The following ATG7 variants were observed in gnomAD, a reference collection of about 807,000 sequenced individuals.
ATG7 encodes the protein autophagy related 7, also known as ubiquitin-like modifier-activating enzyme ATG7.
In ATG7, 70 loss-of-function variants were observed where a neutral mutation model predicts 82.4. The observed-to-expected ratio is 0.85, with a 90% CI of 0.70 to 1.04. ATG7 has a LOEUF of 1.04. ATG7 is among the 50% of genes least tolerant of loss of function. The probability of loss-of-function intolerance (pLI) is 0.00; values close to 1 mark genes in which losing one functional copy is unlikely to be tolerated. For synonymous variants in ATG7, 287 were observed against 313.0 expected (o/e 0.92, Z 0.88); for missense variants, 792 against 864.3 (o/e 0.92, Z 1.05).
intron 20 of ATG7, among the ~76,000 whole-genome samples, chr3:11,538,807 C>T (rs140218432): frequency 0.013 from 1,827 of 144,488 alleles, 39 homozygotes; most frequent in African/African-American, 0.045. Context: ...CTGGGAAGGT[C>T]GAGGCTGCAG....
intron 10 of ATG7, among the ~76,000 whole-genome samples, chr3:11,331,914 T>TAA (rs1207529199): frequency 6.6e-6 from 1 of 152,216 alleles, no homozygotes; most frequent in East Asian, 1.9e-4. Flanking sequence ...AAGTATTTAA[T>TAA]AAAAATGTCT....
At chr3:11,342,349 G>C (rs1469005370) in intron 13 of ATG7, 70 bp downstream of exon 13, 18 of 1,511,292 alleles carry the variant, frequency 1.2e-5, no homozygotes, top group Non-Finnish European at 1.8e-6. Flanking sequence ...TTACTCTCAT[G>C]ATTGCCTTCC....
chr3:11,413,197 A>G (rs78175084), intron 19 of ATG7, among the ~76,000 whole-genome samples: 1 of 152,174 alleles, frequency 6.6e-6, no homozygotes, highest in Non-Finnish European at 1.5e-5. Flanking sequence ...AACTTCTAGT[A>G]CTGTGTTGAA....
chr3:11,525,907 T>C (rs929062948), intron 20 of ATG7, among the ~76,000 whole-genome samples: 2 of 152,176 alleles, frequency 1.3e-5, no homozygotes, highest in Non-Finnish European at 2.9e-5. Flanking sequence ...AAAAGTTCTG[T>C]CACCTTTAAT....
chr3:11,404,618 T>C (rs2080159666), intron 19 of ATG7, among the ~76,000 whole-genome samples: 1 of 152,052 alleles, frequency 6.6e-6, no homozygotes, highest in Non-Finnish European at 1.5e-5. Flanking sequence ...TGCCATGTTG[T>C]ATTAGTCTTT....
chr3:11,323,741 C>T (rs564105719), intron 9 of ATG7, among the ~76,000 whole-genome samples: 1 of 152,350 alleles, frequency 6.6e-6, no homozygotes, highest in East Asian at 1.9e-4. Context: ...AATTTATATG[C>T]TGTTAGTTGG....
downstream of ATG7, among the ~76,000 whole-genome samples, chr3:11,561,734 G>T (rs917821933): frequency 8.6e-5 from 13 of 152,010 alleles, no homozygotes; most frequent in African/African-American, 3.1e-4. Flanking sequence ...AAGTTACGCT[G>T]CGGATTTGTG....
intron 6 of ATG7, chr3:11,308,476 C>T (rs1211578748): frequency 1.3e-5 from 2 of 154,522 alleles, no homozygotes; most frequent in Non-Finnish European, 2.9e-5. Flanking sequence ...AGGCTCTTTA[C>T]TCTCCCCGTT....
At chr3:11,365,123 T>C (rs1352031881) in intron 18 of ATG7, among the ~76,000 whole-genome samples, 1 of 152,162 alleles carries the variant, frequency 6.6e-6, no homozygotes, top group African/African-American at 2.4e-5. Context: ...ATCTGTAACA[T>C]AGAGAAGGTA....
At chr3:11,399,710 G>A (rs1188443649) in intron 19 of ATG7, among the ~76,000 whole-genome samples, 3 of 152,166 alleles carry the variant, frequency 2.0e-5, no homozygotes, top group Non-Finnish European at 2.9e-5. Flanking sequence ...GAGTAGCCGG[G>A]ATTATAGGCA....
At chr3:11,334,976 A>AAG (rs1952209968) in intron 11 of ATG7, among the ~76,000 whole-genome samples, 1 of 140,778 alleles carries the variant, frequency 7.1e-6, no homozygotes, top group African/African-American at 2.6e-5. Flanking sequence ...AAAAAAAAAA[A>AAG]TCTCTTCTGA....
chr3:11,413,254 G>C lies in ATG7; in HGVS notation c.1957-13550G>C, dbSNP rs77355520. 2.8e-3 allele frequency among the ~76,000 whole-genome samples: 427 copies of C among 152,152 alleles called. 4 individuals carry two copies. The highest frequency in any genetic ancestry group is 9.4e-3 in the African/African-American group (388 of 41,472). ...TCCTTGCCTTTTTCCTGATCTTAGA[G>C]AGAAAGCGTTCCTTCTTTCATCACT... On this transcript the variant is annotated intron_variant, in intron 19 of 20. Transcript: ENST00000693202.
intron 20 of ATG7, among the ~76,000 whole-genome samples, chr3:11,531,103 C>T (rs1222216981): frequency 6.6e-6 from 1 of 152,168 alleles, no homozygotes; most frequent in African/African-American, 2.4e-5. Flanking sequence ...GGCTGGTTGG[C>T]AGGGAAGGGC....
chr3:11,536,994 C>T (rs1308911750), intron 20 of ATG7, among the ~76,000 whole-genome samples: 1 of 152,152 alleles, frequency 6.6e-6, no homozygotes, highest in Admixed American at 6.5e-5. Context: ...CTTGTCGCTT[C>T]CTGCCCGAGT....
At chr3:11,500,411 A>AG (rs1292609122) in intron 20 of ATG7, among the ~76,000 whole-genome samples, 4 of 151,886 alleles carry the variant, frequency 2.6e-5, no homozygotes, top group Admixed American at 2.0e-4. Flanking sequence ...TGCCAAAAAA[A>AG]TAGAAGTAAC....
intron 20 of ATG7, among the ~76,000 whole-genome samples, chr3:11,514,989 C>T (rs1252894945): frequency 3.3e-5 from 5 of 151,240 alleles, no homozygotes; most frequent in African/African-American, 1.2e-4. Context: ...TACAGGTGCG[C>T]ACCACCACAC....
intron 1 of ATG7, among the ~76,000 whole-genome samples, chr3:11,274,854 A>G (rs966721049): frequency 1.3e-5 from 2 of 151,928 alleles, no homozygotes; most frequent in East Asian, 3.9e-4. Context: ...TGCCAGGCCC[A>G]GAAGTTTGGA....
chr3:11,308,896 T>C (rs1948190037), intron 6 of ATG7, 88 bp from the exon 7 acceptor site: 2 of 1,229,986 alleles, frequency 1.6e-6, no homozygotes, highest in African/African-American at 1.5e-5. Flanking sequence ...AAGAAGAGCC[T>C]GGTGCTTTTC....
At chr3:11,506,587 C>CAAAAAAAAAAAAA (rs1275955326) in intron 20 of ATG7, among the ~76,000 whole-genome samples, 6 of 119,512 alleles carry the variant, frequency 5.0e-5, no homozygotes, top group South Asian at 2.9e-4. Flanking sequence ...AAAAAAAACC[C>CAAAAAAAAAAAAA]AAAAATTAGC....
Sources: gnomAD v4.1 joint callset for allele counts (sites outside exome capture counted in the v4.1 genomes callset) on GRCh38, gnomAD v4.1.1 for gene constraint, MANE v1.5 for transcripts, NCBI Gene and HGNC (gene_info 2026-07-23, HGNC 2026-07-21) for gene names.